GPT: variants seen among roughly 807,000 people sequenced by gnomAD.
GPT encodes alanine aminotransferase 1.
Under a neutral mutation model 51.4 loss-of-function variants are expected in GPT, and 60 were observed. The ratio of observed to expected loss-of-function variants is 1.17; its 90% CI spans 0.95 to 1.45. GPT has a LOEUF of 1.45. GPT is among the 40% of genes most tolerant of loss of function. GPT has a pLI of 0.00. For synonymous variants in GPT, 397 were observed against 303.1 expected, an observed-to-expected ratio of 1.31 and a Z score of -3.22; for missense variants, 853 against 704.0, an observed-to-expected ratio of 1.21 and a Z score of -2.40.
In GPT at chr8:144,506,698, G is replaced by T; in HGVS notation, c.1288-33G>T. 1 of 1,601,264 alleles carries T rather than the reference G, an allele frequency of 6.2e-7. No homozygotes were observed. Among genetic ancestry groups the T allele is most frequent in the South Asian group, 1.1e-5 (1 of 89,644 alleles). ...GCCTGCGGGGTGGGCAGGGGGGGCC[G>T]GGCATCCCTCTCTGACGGCTCTCCG... On this transcript the variant is annotated intron_variant, in intron 9 of 10. Coordinates refer to ENST00000394955, the MANE Select transcript of GPT (RefSeq NM_005309.3). This position sits in a 1 kb window ranked among gnomAD's most constrained non-coding sequence, Gnocchi z 7.0.
chr8:144,504,711 C>A lies in GPT; in HGVS notation c.252+18C>A. Reference sequence around the variant, plus strand: ...TGCGCCAGGTGAGGCTCCTGCACTGCCCGGAGCACCCCCCCACCCCCAGCC... The same window carrying A: ...TGCGCCAGGTGAGGCTCCTGCACTGACCGGAGCACCCCCCCACCCCCAGCC... On this transcript the variant is annotated intron_variant, in intron 2 of 10. Coordinates refer to ENST00000394955, the MANE Select transcript of GPT (RefSeq NM_005309.3). 2.5e-6 allele frequency: 4 copies of A among 1,611,542 alleles called. No homozygotes were observed. In the South Asian group the frequency reaches 4.4e-5, roughly 18 times the overall value.
At chr8:144,504,721 C>G in intron 2 of GPT, 28 bp downstream of exon 2, 2 of 1,611,762 alleles carry the variant, frequency 1.2e-6, no homozygotes, top group Non-Finnish European at 8.5e-7. Context: ...CCCGGAGCAC[C>G]CCCCCACCCC....
chr8:144,505,865 G>A lies in GPT; in HGVS notation c.757G>A (p.Glu253Lys), dbSNP rs576646311. The change falls in exon 6 of 11, where the codon GAG (glutamate) becomes AAG (lysine). Residue 253 changes from glutamate to lysine, a missense_variant. Transcript: ENST00000394955. ...GNPTGQVQTR[E>K]CIEAVIRFAF... is the part of the protein sequence containing the mutation. ...CACCCCAGGGCAGGTGCAGACCCGC[G>A]AGTGCATCGAGGCCGTGATCCGCTT... The A allele has an allele frequency of 4.5e-6, 7 of 1,557,030 alleles. No individual in the cohort carries two copies. In the East Asian group the frequency reaches 9.7e-5, roughly 21 times the overall value.
chr8:144,506,462 A>G lies in GPT; in HGVS notation c.1132-39A>G. ...ACCTAATCAGGGGTGGGGGATGCCG[A>G]GTGCCGTGCCCTGATGGGCCCTCCC... On this transcript the variant is annotated intron_variant, in intron 8 of 10. Transcript: ENST00000394955. This position sits in a 1 kb window ranked among gnomAD's most constrained non-coding sequence, Gnocchi z 7.0. The G allele has an allele frequency of 1.3e-6, 2 of 1,577,648 alleles. No individual in the cohort carries two copies.
chr8:144,504,220 C>A lies in GPT; in HGVS notation c.-85C>A. ...CGGCTGCCCCCTCCCAGCCCTGGCC[C>A]ACTAAGCCAGACCCAGCTGTCGCCA... On this transcript the variant is annotated 5_prime_UTR_variant, in exon 1 of 11. Transcript: ENST00000394955. The A allele has an allele frequency of 6.9e-7, 1 of 1,458,294 alleles. No individual in the cohort carries two copies. Among genetic ancestry groups the A allele is most frequent in the Non-Finnish European group, 9.4e-7 (1 of 1,069,248 alleles). The allele number at this position is 1,458,294 out of a possible 1,614,324, so 90.3% of individuals were successfully genotyped here. A position where few individuals can be genotyped will look rare whatever the true frequency, so the allele number is the denominator to read the frequency against.
chr8:144,505,724 A>G, intron 5 of GPT, 124 bp from the exon 6 acceptor site: 1 of 346,762 alleles, frequency 2.9e-6, no homozygotes, highest in South Asian at 2.0e-5. Context: ...GCCCCGCCCC[A>G]CTCCTCCCGC....
Position 144,506,469 on chromosome 8 carries a change from T to A in GPT, c.1132-32T>A. The A allele has an allele frequency of 6.3e-7, 1 of 1,583,132 alleles. No individual in the cohort carries two copies. ...CAGGGGTGGGGGATGCCGAGTGCCG[T>A]GCCCTGATGGGCCCTCCCTCCGCGG... On this transcript the variant is annotated intron_variant, in intron 8 of 10. Transcript: ENST00000394955. This position sits in a 1 kb window ranked among gnomAD's most constrained non-coding sequence, Gnocchi z 7.0.
chr8:144,506,430 C>T lies in GPT; in HGVS notation c.1131+24C>T, dbSNP rs558794924. The T allele has an allele frequency of 2.6e-6, 4 of 1,563,496 alleles. No homozygotes were observed. The East Asian group carries it at 9.4e-5, about 37-fold the overall frequency. The stretch of plus-strand genomic sequence containing the variant: ...CTGTGAGTTGGGGGCAGGAGGGGGT[C>T]CAGGTGACCTAATCAGGGGTGGGGG... On this transcript the variant is annotated intron_variant, in intron 8 of 10. Coordinates refer to ENST00000394955, the MANE Select transcript of GPT (RefSeq NM_005309.3). This position sits in a 1 kb window ranked among gnomAD's most constrained non-coding sequence, Gnocchi z 7.0.
In GPT at chr8:144,506,944, C is replaced by T; in HGVS notation, c.1435C>T (p.Leu479=). 2 of 1,612,862 alleles carry T rather than the reference C, an allele frequency of 1.2e-6. No homozygotes were observed. Among genetic ancestry groups the T allele is most frequent in the Non-Finnish European group, 1.7e-6 (2 of 1,179,930 alleles). The change falls in exon 11 of 11, where the codon CTG becomes TTG. Residue 479 remains leucine, a synonymous_variant. Coordinates refer to ENST00000394955, the MANE Select transcript of GPT (RefSeq NM_005309.3). This position sits in a 1 kb window ranked among gnomAD's most constrained non-coding sequence, Gnocchi z 7.0. ...TCTGCCCCCCTTGGAGAAACTGCGG[C>T]TGCTGCTGGAGAAGCTGAGCAGGTT... The part of the protein sequence containing the change: ...TILPPLEKLR[L]LLEKLSRFHA...
chr8:144,504,544 G>A, intron 1 of GPT, 60 bp from the exon 2 acceptor site: 3 of 1,609,628 alleles, frequency 1.9e-6, no homozygotes, highest in Non-Finnish European at 2.5e-6. Flanking sequence ...TGGCACATGG[G>A]ACAAGGGCTG....
In GPT at chr8:144,507,114, G is replaced by GGGGGGGGGGGGGGGGGGGGGGC. The variant is rs1826854527; in HGVS notation, c.*114_*115insGGGGGGGGGGGGGGGGGGGGGC. The GGGGGGGGGGGGGGGGGGGGGGC allele has an allele frequency of 8.0e-6, 4 of 498,332 alleles. 1 individual carries two copies. The highest frequency in any genetic ancestry group is 1.2e-5 in the Non-Finnish European group (3 of 254,518). 30.9% of individuals were successfully genotyped at this position (498,332 alleles called of 1,614,324 possible). On this transcript the variant is annotated 3_prime_UTR_variant, in exon 11 of 11. Transcript: ENST00000394955. ...TGCCTGGCGGGGTGGGGTGGGGGGG[G>GGGGGGGGGGGGGGGGGGGGGGC]TGCTGGGCCCCTGCCTCTCTGCAGG...
In GPT at chr8:144,504,330, G is replaced by T; in HGVS notation, c.26G>T (p.Ser9Ile). MASSTGDR[S>I]QAVRHGLRAK... The stretch of plus-strand genomic sequence containing the variant: ...ATGGCCTCGAGCACAGGTGACCGGA[G>T]CCAGGCGGTGAGGCATGGACTGAGG... The change falls in exon 1 of 11, where the codon AGC becomes ATC. Residue 9 changes from serine (S) to isoleucine (I), a missense_variant. Ser to Ile is a moderately radical substitution (Grantham distance 142, BLOSUM62 -2). Coordinates refer to ENST00000394955, the MANE Select transcript of GPT (RefSeq NM_005309.3). 1 of 1,610,264 alleles carries T rather than the reference G, an allele frequency of 6.2e-7. No individual in the cohort carries two copies.
In GPT at chr8:144,506,899, A is replaced by T. The variant is rs750130376; in HGVS notation, c.1401-11A>T. ...CACCCTGGCCCTTCACTCACTGTCA[A>T]CTCCTTTCAGGATGACCATTCTGCC... On this transcript the variant is annotated splice_polypyrimidine_tract_variant and intron_variant, in intron 10 of 10. Coordinates refer to ENST00000394955, the MANE Select transcript of GPT (RefSeq NM_005309.3). This position sits in a 1 kb window ranked among gnomAD's most constrained non-coding sequence, Gnocchi z 7.0. 6.2e-7 allele frequency: 1 copy of T among 1,612,354 alleles called. No homozygotes were observed. Among genetic ancestry groups the T allele is most frequent in the African/African-American group, 1.3e-5 (1 of 74,932 alleles).
chr8:144,504,462 G>A lies in GPT; in HGVS notation c.158G>A (p.Arg53His), dbSNP rs533370457. 30 of 1,609,170 alleles carry A rather than the reference G, an allele frequency of 1.9e-5. No homozygotes were observed. Among genetic ancestry groups the A allele is most frequent in the East Asian group, 8.9e-5 (4 of 44,850 alleles). Residue 53 changes from arginine to histidine, a missense_variant, in exon 1 of 11, where the codon CGC becomes CAC. Coordinates refer to ENST00000394955, the MANE Select transcript of GPT (RefSeq NM_005309.3). ...GCCTTGGAGCTGGAGCAGGAGCTGC[G>A]CCAGGTATGGCCCAGGGCCCCTCGC... is the stretch of plus-strand genomic sequence containing the variant. ...QRALELEQEL[R>H]QGVKKPFTEV... is the part of the protein sequence containing the mutation.
In GPT at chr8:144,504,260, C is replaced by T. The variant is rs1193601908; in HGVS notation, c.-45C>T. 9.4e-6 allele frequency: 15 copies of T among 1,594,092 alleles called. No homozygotes were observed. Among genetic ancestry groups the T allele is most frequent in the African/African-American group, 4.0e-5 (3 of 74,930 alleles). The stretch of plus-strand genomic sequence containing the variant: ...AGCTGTCGCCATTCCCACTTCTGGT[C>T]CTGCCACCTCCTGAGCTGCCTTCCC... On this transcript the variant is annotated 5_prime_UTR_variant, in exon 1 of 11. Coordinates refer to ENST00000394955, the MANE Select transcript of GPT (RefSeq NM_005309.3).
In GPT at chr8:144,506,942, G is replaced by GGCT. The variant is rs2130626735; in HGVS notation, c.1441_1443dup (p.Leu481dup). ...ATTCTGCCCCCCTTGGAGAAACTGC[G>GGCT]GCTGCTGCTGGAGAAGCTGAGCAGG... On this transcript the variant is annotated inframe_insertion, in exon 11 of 11. Transcript: ENST00000394955. This position sits in a 1 kb window ranked among gnomAD's most constrained non-coding sequence, Gnocchi z 7.0. The GGCT allele has an allele frequency of 6.2e-7, 1 of 1,612,836 alleles. No individual in the cohort carries two copies. The highest frequency in any genetic ancestry group is 2.2e-5 in the East Asian group (1 of 44,874).
chr8:144,505,040 A>C lies in GPT; in HGVS notation c.404A>C (p.Asp135Ala), dbSNP rs765080403. 6.2e-7 allele frequency: 1 copy of C among 1,613,132 alleles called. No individual in the cohort carries two copies. Among genetic ancestry groups the C allele is most frequent in the Admixed American group, 1.7e-5 (1 of 60,030 alleles). Residue 135 changes from aspartate (D) to alanine (A), a missense_variant, in exon 4 of 11, where the codon GAC (aspartate) becomes GCC (alanine). Transcript: ENST00000394955. ...VSSGIQLIRE[D>A]VARYIERRDG... is the part of the protein sequence containing the mutation. ...TCCGGCATCCAGCTGATCCGGGAGG[A>C]CGTGGCGCGGTACATTGAGAGGCGT...
upstream of GPT, among the ~76,000 whole-genome samples, chr8:144,503,483 A>T (rs1586770606): frequency 1.3e-5 from 2 of 152,104 alleles, no homozygotes; most frequent in East Asian, 3.9e-4. Context: ...AGGGCATGAC[A>T]GCAGCCACGG....
rs376162616 is a variant in GPT at position 144,506,379 on chromosome 8, C to T, written c.1104C>T (p.Thr368=). The T allele has an allele frequency of 6.4e-6, 10 of 1,560,084 alleles. No individual in the cohort carries two copies. In the East Asian group the frequency reaches 7.1e-5, roughly 11 times the overall value. Residue 368 remains threonine (T), a synonymous_variant, in exon 8 of 11, where the codon ACC becomes ACT. Coordinates refer to ENST00000394955, the MANE Select transcript of GPT (RefSeq NM_005309.3). This position sits in a 1 kb window ranked among gnomAD's most constrained non-coding sequence, Gnocchi z 7.0. ...LDLVVSPPAP[T]DPSFAQFQAE... is the part of the protein sequence containing the mutation. Reference sequence around the variant, plus strand: ...TGGTGGTCAGCCCGCCCGCGCCCACCGACCCCTCCTTTGCGCAGTTCCAGG... The same window carrying T: ...TGGTGGTCAGCCCGCCCGCGCCCACTGACCCCTCCTTTGCGCAGTTCCAGG...
Sources: allele counts gnomAD v4.1 joint callset (sites outside exome capture counted in the v4.1 genomes callset), GRCh38; gene constraint gnomAD v4.1.1; non-coding constraint Gnocchi (gnomAD v3.1); transcripts MANE v1.5; gene names NCBI Gene and HGNC (gene_info 2026-07-23, HGNC 2026-07-21).